Variants in HCN1 observed in about 807,000 individuals in gnomAD.
HCN1 encodes the protein hyperpolarization activated cyclic nucleotide gated potassium channel 1.
In HCN1, 13 loss-of-function variants were observed where a neutral mutation model predicts 78.9. That is an observed-to-expected ratio of 0.16 (90% CI 0.11 to 0.26). The LOEUF is 0.26. Ranked by LOEUF, HCN1 falls within the 10% of genes least tolerant of loss-of-function variation. HCN1 has a pLI of 1.00. For missense variants in HCN1, 810 were observed against 1,154.3 expected, an observed-to-expected ratio of 0.70 and a Z score of 4.32; for synonymous variants, 552 against 455.5, an observed-to-expected ratio of 1.21 and a Z score of -2.70.
At chr5:45,635,104 A>C (rs1484125124) in intron 2 of HCN1, among the ~76,000 whole-genome samples, 1 of 152,106 alleles carries the variant, frequency 6.6e-6, no homozygotes, top group Non-Finnish European at 1.5e-5. Flanking sequence ...AAAAAATTTC[A>C]TTCTTTCATA....
intron 2 of HCN1, among the ~76,000 whole-genome samples, chr5:45,475,172 C>T (rs370675531): frequency 5.3e-5 from 8 of 151,976 alleles, no homozygotes; most frequent in African/African-American, 1.9e-4. Flanking sequence ...TTTGATTATA[C>T]ATAATGAGTA....
At chr5:45,304,448 C>T (rs113858229) in intron 5 of HCN1, among the ~76,000 whole-genome samples, 1,609 of 151,982 alleles carry the variant, frequency 0.011, 26 homozygotes, top group African/African-American at 0.037. Flanking sequence ...GAGGCCAAGG[C>T]GGGTGGATCA....
chr5:45,587,881 A>T (rs1206624978), intron 2 of HCN1, among the ~76,000 whole-genome samples: 2 of 152,190 alleles, frequency 1.3e-5, no homozygotes, highest in South Asian at 2.1e-4. Context: ...AGCTTTCCCA[A>T]GTAGGATTAA....
At chr5:45,550,261 T>G (rs1316936774) in intron 2 of HCN1, among the ~76,000 whole-genome samples, 1 of 152,142 alleles carries the variant, frequency 6.6e-6, no homozygotes, top group African/African-American at 2.4e-5. Context: ...TGTCCAACAA[T>G]GATAGACTGG....
intron 5 of HCN1, among the ~76,000 whole-genome samples, chr5:45,343,324 A>C (rs1453368112): frequency 6.6e-6 from 1 of 152,230 alleles, no homozygotes; most frequent in East Asian, 1.9e-4. Context: ...TTATGTAAAT[A>C]AAAGATTAAT....
intron 5 of HCN1, among the ~76,000 whole-genome samples, chr5:45,350,809 A>G (rs182220973): frequency 0.057 from 8,655 of 152,180 alleles, 368 homozygotes; most frequent in East Asian, 0.13. Flanking sequence ...CTGGGAATCC[A>G]ACTTACAAGG....
chr5:45,675,058 G>C (rs1277481711), intron 1 of HCN1, among the ~76,000 whole-genome samples: 1 of 151,708 alleles, frequency 6.6e-6, no homozygotes, highest in Non-Finnish European at 1.5e-5. Context: ...TGGCAATATG[G>C]TTTCCCAGAA....
At chr5:45,320,306 T>G (rs1746098157) in intron 5 of HCN1, among the ~76,000 whole-genome samples, 1 of 151,892 alleles carries the variant, frequency 6.6e-6, no homozygotes, top group African/African-American at 2.4e-5. Flanking sequence ...AATATCCCAT[T>G]TTTTCTTTCC....
At chr5:45,361,873 T>C (rs572163049) in intron 4 of HCN1, among the ~76,000 whole-genome samples, 1 of 152,180 alleles carries the variant, frequency 6.6e-6, no homozygotes, top group Non-Finnish European at 1.5e-5. Flanking sequence ...AAGCATGTAA[T>C]TGAAAAAAAG....
intron 4 of HCN1, among the ~76,000 whole-genome samples, chr5:45,395,354 G>A (rs73099498): frequency 7.2e-5 from 11 of 151,958 alleles, no homozygotes; most frequent in African/African-American, 1.7e-4. Flanking sequence ...TCCTTACTAC[G>A]TTCTTCGTTC....
chr5:45,350,138 A>C (rs964362133), intron 5 of HCN1, among the ~76,000 whole-genome samples: 3 of 152,194 alleles, frequency 2.0e-5, no homozygotes, highest in Non-Finnish European at 4.4e-5. Flanking sequence ...AAATACTGGC[A>C]AACCGAATCC....
intron 4 of HCN1, among the ~76,000 whole-genome samples, chr5:45,362,972 T>A (rs1206151835): frequency 6.6e-6 from 1 of 151,244 alleles, no homozygotes; most frequent in Non-Finnish European, 1.5e-5. Context: ...AATTATAGCT[T>A]CCATTCCTTC....
chr5:45,593,720 G>A (rs1187545301), intron 2 of HCN1, among the ~76,000 whole-genome samples: 1 of 151,178 alleles, frequency 6.6e-6, no homozygotes, highest in East Asian at 1.9e-4. Flanking sequence ...TTTTGCCCAG[G>A]CTGGAGTGCA....
intron 1 of HCN1, among the ~76,000 whole-genome samples, chr5:45,653,661 T>TTA (rs1745717655): frequency 6.6e-6 from 1 of 152,090 alleles, no homozygotes; most frequent in South Asian, 2.1e-4. Context: ...TGAGGGTTTA[T>TTA]TATAGCATTA....
chr5:45,400,305 C>G (rs570503636), intron 3 of HCN1, among the ~76,000 whole-genome samples: 9 of 150,596 alleles, frequency 6.0e-5, no homozygotes, highest in Admixed American at 2.7e-4. Flanking sequence ...ACAGCTATGT[C>G]TATTCTCATT....
At chr5:45,687,622 T>C (rs185187462) in intron 1 of HCN1, among the ~76,000 whole-genome samples, 36 of 152,266 alleles carry the variant, frequency 2.4e-4, no homozygotes, top group African/African-American at 7.2e-4. Context: ...AATACTGTCA[T>C]TTCTCCTTAT....
chr5:45,690,262 G>T (rs1739884318), intron 1 of HCN1, among the ~76,000 whole-genome samples: 1 of 152,014 alleles, frequency 6.6e-6, no homozygotes, highest in Non-Finnish European at 1.5e-5. Flanking sequence ...TAAATTTAAA[G>T]CATGAGTAAT....
At chr5:45,374,010 TAATA>T (rs1272921795) in intron 4 of HCN1, among the ~76,000 whole-genome samples, 2 of 99,552 alleles carry the variant, frequency 2.0e-5, no homozygotes, top group Non-Finnish European at 3.9e-5. Context: ...ATTATATACA[TAATA>T]TATATTATAT....
At chr5:45,395,047 A>C (rs1739661310) in intron 4 of HCN1, among the ~76,000 whole-genome samples, 1 of 152,190 alleles carries the variant, frequency 6.6e-6, no homozygotes, top group Admixed American at 6.5e-5. Context: ...AGGAAATTTA[A>C]AAACATAAAC....
Sources: gnomAD v4.1 joint callset for allele counts (sites outside exome capture counted in the v4.1 genomes callset) on GRCh38, gnomAD v4.1.1 for gene constraint, MANE v1.5 for transcripts, NCBI Gene and HGNC (gene_info 2026-07-23, HGNC 2026-07-21) for gene names.